SLC44A5: variants seen among roughly 807,000 people sequenced by gnomAD.
SLC44A5 encodes solute carrier family 44 member 5, also known as choline transporter-like protein 5.
Under a neutral mutation model 101.8 loss-of-function variants are expected in SLC44A5, and 57 were observed. The ratio of observed to expected loss-of-function variants is 0.56; its 90% CI spans 0.45 to 0.70. The LOEUF is 0.70. Among genes scored for constraint, SLC44A5 ranks in the 30% least tolerant of loss-of-function variants. The pLI is 0.00. For synonymous variants in SLC44A5, 281 were observed against 290.9 expected, an observed-to-expected ratio of 0.97 and a Z score of 0.35; for missense variants, 737 against 853.1, an observed-to-expected ratio of 0.86 and a Z score of 1.70.
chr1:75,283,445 G>T (rs1446882042), intron 5 of SLC44A5, among the ~76,000 whole-genome samples: 9 of 152,104 alleles, frequency 5.9e-5, no homozygotes, highest in Non-Finnish European at 1.2e-4. Flanking sequence ...CCAACTCTGT[G>T]TGTTGTCTGT....
At chr1:75,391,192 T>C (rs1204150099) in intron 3 of SLC44A5, among the ~76,000 whole-genome samples, 1 of 152,034 alleles carries the variant, frequency 6.6e-6, no homozygotes, top group East Asian at 1.9e-4. Flanking sequence ...AAAGAAATCA[T>C]AGATGACACA....
At chr1:75,444,162 C>T (rs1665370363) in intron 2 of SLC44A5, among the ~76,000 whole-genome samples, 1 of 151,102 alleles carries the variant, frequency 6.6e-6, no homozygotes, top group African/African-American at 2.4e-5. Context: ...ACTAAAAATA[C>T]AAAAATTAGC....
chr1:75,240,614 T>A (rs906218493), intron 9 of SLC44A5, among the ~76,000 whole-genome samples: 1 of 152,092 alleles, frequency 6.6e-6, no homozygotes, highest in Non-Finnish European at 1.5e-5. Context: ...AGCTTCCTGG[T>A]AAGTGCTGTT....
At chr1:75,309,516 G>A (rs142756061) in intron 4 of SLC44A5, among the ~76,000 whole-genome samples, 292 of 152,282 alleles carry the variant, frequency 1.9e-3, no homozygotes, top group African/African-American at 6.8e-3. Flanking sequence ...ATTGGTTTTG[G>A]CAATTATTTC....
chr1:75,222,530 C>CAGGG, intron 13 of SLC44A5, 70 bp from the exon 14 acceptor site: 1 of 894,776 alleles, frequency 1.1e-6, no homozygotes, highest in Non-Finnish European at 1.8e-6. Context: ...CCTGCAAATG[C>CAGGG]TAGGATTGAA....
At chr1:75,360,711 C>T (rs1282449687) in intron 3 of SLC44A5, among the ~76,000 whole-genome samples, 1 of 152,116 alleles carries the variant, frequency 6.6e-6, no homozygotes, top group African/African-American at 2.4e-5. Flanking sequence ...TTGATTACAA[C>T]TACTTTATAA....
chr1:75,412,802 A>G (rs1217347954), intron 2 of SLC44A5, among the ~76,000 whole-genome samples: 1 of 152,124 alleles, frequency 6.6e-6, no homozygotes, highest in Non-Finnish European at 1.5e-5. Context: ...CCCTTTGTCC[A>G]GCATCTCCAT....
upstream of SLC44A5, among the ~76,000 whole-genome samples, chr1:75,612,548 A>T (rs1435752822): frequency 6.6e-6 from 1 of 152,192 alleles, no homozygotes; most frequent in African/African-American, 2.4e-5. Context: ...ATTTGCTCGC[A>T]CATCACTTTG....
chr1:75,648,797 T>C, the SLC44A5 span, among the ~76,000 whole-genome samples: 1 of 62,960 alleles, frequency 1.6e-5, no homozygotes, highest in Non-Finnish European at 2.9e-5. Context: ...ACATCCTGAC[T>C]AAAACTTAAC....
chr1:75,359,034 T>A (rs145935123), intron 3 of SLC44A5, among the ~76,000 whole-genome samples: 40 of 151,710 alleles, frequency 2.6e-4, no homozygotes, highest in African/African-American at 9.2e-4. Flanking sequence ...CATTCTACTC[T>A]CTCTTTTATG....
intron 23 of SLC44A5, among the ~76,000 whole-genome samples, chr1:75,210,746 T>C (rs1261775845): frequency 2.6e-5 from 4 of 152,218 alleles, no homozygotes; most frequent in African/African-American, 9.6e-5. Flanking sequence ...GCTAACAGTA[T>C]GCCATGAAGC....
chr1:75,458,774 G>A (rs1017577666), intron 2 of SLC44A5, among the ~76,000 whole-genome samples: 4 of 152,082 alleles, frequency 2.6e-5, no homozygotes, highest in African/African-American at 4.8e-5. Context: ...TCTTAATGAA[G>A]GAAAGAACTA....
At chr1:75,716,609 G>C in the SLC44A5 span, among the ~76,000 whole-genome samples, 2 of 152,132 alleles carry the variant, frequency 1.3e-5, no homozygotes, top group Non-Finnish European at 2.9e-5. Flanking sequence ...CCATTACTGG[G>C]CATACACCCA....
At chr1:75,631,007 G>C in the SLC44A5 span, among the ~76,000 whole-genome samples, 75 of 152,294 alleles carry the variant, frequency 4.9e-4, 1 homozygote, top group East Asian at 0.013. Flanking sequence ...CCACTTCTCC[G>C]AGCATGCTCT....
intron 6 of SLC44A5, among the ~76,000 whole-genome samples, chr1:75,264,477 A>T (rs1035266239): frequency 6.6e-6 from 1 of 152,258 alleles, no homozygotes; most frequent in Non-Finnish European, 1.5e-5. Context: ...TACAATTAGA[A>T]ATCAATAATG....
intron 2 of SLC44A5, among the ~76,000 whole-genome samples, chr1:75,405,882 T>A (rs373751856): frequency 6.3e-4 from 75 of 118,770 alleles, no homozygotes; most frequent in Middle Eastern, 4.2e-3. Context: ...GCGATAGAGA[T>A]AAAAAAAAAA....
intron 4 of SLC44A5, among the ~76,000 whole-genome samples, chr1:75,335,475 AG>A (rs1308128511): frequency 6.6e-6 from 1 of 152,132 alleles, no homozygotes; most frequent in Non-Finnish European, 1.5e-5. Flanking sequence ...AGTCAGAACA[AG>A]GGGAATTGCA....
intron 2 of SLC44A5, among the ~76,000 whole-genome samples, chr1:75,468,900 T>C (rs1666961931): frequency 4.6e-5 from 7 of 152,176 alleles, no homozygotes; most frequent in Admixed American, 4.6e-4. Flanking sequence ...GTGATTATTA[T>C]ACATTGCATA....
the SLC44A5 span, among the ~76,000 whole-genome samples, chr1:75,691,486 G>C: frequency 6.6e-6 from 1 of 152,164 alleles, no homozygotes; most frequent in Non-Finnish European, 1.5e-5. Context: ...TTGAGACAAG[G>C]ATTAGAGGCA....
Sources: allele counts gnomAD v4.1 joint callset (sites outside exome capture counted in the v4.1 genomes callset), GRCh38; gene constraint gnomAD v4.1.1; transcripts MANE v1.5; gene names NCBI Gene and HGNC (gene_info 2026-07-23, HGNC 2026-07-21).